The following C6 variants were observed in gnomAD, a reference collection of about 807,000 sequenced individuals.
C6 encodes the protein complement component C6.
Under a neutral mutation model 112.9 loss-of-function variants are expected in C6, and 101 were observed. The ratio of observed to expected loss-of-function variants is 0.89; its 90% CI spans 0.76 to 1.06. C6 has a LOEUF of 1.06. C6 is among the 50% of genes least tolerant of loss of function. The pLI is 0.00. For synonymous variants in C6, 431 were observed against 384.1 expected (o/e 1.12, Z -1.43); for missense variants, 1,202 against 1,104.6 (o/e 1.09, Z -1.25).
At chr5:41,230,238 TA>T (rs1739805773) in intron 1 of C6, among the ~76,000 whole-genome samples, 1 of 152,092 alleles carries the variant, frequency 6.6e-6, no homozygotes, top group Non-Finnish European at 1.5e-5. Flanking sequence ...AAGATAACCA[TA>T]AGGTCTGACT....
chr5:41,242,713 G>C (rs1279832681), intron 1 of C6, among the ~76,000 whole-genome samples: 3 of 151,806 alleles, frequency 2.0e-5, no homozygotes, highest in South Asian at 2.1e-4. Flanking sequence ...AATAACCTTA[G>C]AAATCCCACA....
At position 41,161,820 on chromosome 5, in the gene C6, A is replaced by G; in HGVS notation, c.1331T>C (p.Ile444Thr). 1 of 1,613,668 alleles carries G rather than the reference A, an allele frequency of 6.2e-7. No homozygotes were observed. Among genetic ancestry groups the G allele is most frequent in the Non-Finnish European group, 8.5e-7 (1 of 1,179,696 alleles). The change falls in exon 10 of 18, where the codon ATT (isoleucine) becomes ACT (threonine). Residue 444 changes from isoleucine (I) to threonine (T), a missense_variant. By Grantham distance (89) the Ile-to-Thr change is moderately conservative. Coordinates refer to ENST00000337836, the MANE Select transcript of C6 (RefSeq NM_000065.5). ...TCCATATTCACTCCTTCCACCTCGA[A>G]TCAGGGATATGGATTTCTCTGCTCC... ...IQGAEKSISL[I>T]RGGRSEYGAA...
intron 7 of C6, among the ~76,000 whole-genome samples, chr5:41,178,323 T>C (rs559123650): frequency 6.6e-6 from 1 of 152,170 alleles, no homozygotes; most frequent in South Asian, 2.1e-4. Flanking sequence ...AAATGTCTAG[T>C]TTGATCTGTG....
Position 41,259,775 on chromosome 5 carries a change from C to A in C6, c.-21+1419G>T, listed in dbSNP as rs375081207. Among the ~76,000 whole-genome samples, 4 of 152,230 alleles carry A rather than the reference C, an allele frequency of 2.6e-5. No homozygotes were observed. The South Asian group carries it at 8.3e-4, about 32-fold the overall frequency. On this transcript the variant is annotated intron_variant, in intron 1 of 17. Coordinates refer to the C6 transcript ENST00000263413. ...AGAATAAAATTATCCATTATTTTTT[C>A]CTAATATCTCCCAAATGTCGTACCT...
chr5:41,229,470 A>G (rs1295845807), intron 1 of C6, among the ~76,000 whole-genome samples: 2 of 151,786 alleles, frequency 1.3e-5, no homozygotes, highest in East Asian at 3.9e-4. Flanking sequence ...ATTTACACAT[A>G]TTTATAAATT....
At position 41,199,519 on chromosome 5, in the gene C6, C is replaced by A. The variant is rs1252149288; in HGVS notation, c.445+249G>T. Among the ~76,000 whole-genome samples, 4 of 152,162 alleles carry A rather than the reference C, an allele frequency of 2.6e-5. No homozygotes were observed. The East Asian group carries it at 7.7e-4, about 29-fold the overall frequency. On this transcript the variant is annotated intron_variant, in intron 4 of 17. Transcript: ENST00000337836. Reference sequence around the variant, plus strand: ...ATATTAAAAATCTTTTAAAATATGTCATTTCTTTTAAAATTATCCTGATTA... The same window carrying A: ...ATATTAAAAATCTTTTAAAATATGTAATTTCTTTTAAAATTATCCTGATTA...
chr5:41,185,149 C>G (rs1007128654), intron 6 of C6, among the ~76,000 whole-genome samples: 1 of 152,120 alleles, frequency 6.6e-6, no homozygotes, highest in African/African-American at 2.4e-5. Flanking sequence ...TACAATATAT[C>G]TTAAGAGCAG....
chr5:41,176,495 C>T lies in C6; in HGVS notation c.1148G>A (p.Ser383Asn), dbSNP rs1308662771. ...GVYDLLYQFS[S>N]EELKNSGLTE... ...GTTACCTGAGTTCTTTAGTTCCTCA[C>T]TGCTAAACTGATAGAGAAGGTCATA... The change falls in exon 8 of 18, where the codon AGT (serine) becomes AAT (asparagine). Residue 383 changes from serine (S) to asparagine (N), a missense_variant. Physicochemically the swap from Ser to Asn is conservative, Grantham distance 46 (BLOSUM62 1). Transcript: ENST00000337836. 1 of 1,613,680 alleles carries T rather than the reference C, an allele frequency of 6.2e-7. No homozygotes were observed. Among genetic ancestry groups the T allele is most frequent in the Admixed American group, 1.7e-5 (1 of 59,992 alleles).
intron 2 of C6, 31 bp from the exon 3 acceptor site, chr5:41,201,745 T>A: frequency 6.3e-7 from 1 of 1,584,642 alleles, no homozygotes; most frequent in South Asian, 1.1e-5. Flanking sequence ...TTGCTTAGAA[T>A]GAGTGTATTC....
intron 1 of C6, among the ~76,000 whole-genome samples, chr5:41,207,873 C>A (rs187132506): frequency 2.6e-5 from 4 of 152,112 alleles, no homozygotes; most frequent in African/African-American, 4.8e-5. Flanking sequence ...CTGCACCAAG[C>A]GGACCTAATA....
chr5:41,158,913 A>T, intron 12 of C6, 128 bp from the exon 13 acceptor site: 1 of 1,053,162 alleles, frequency 9.5e-7, no homozygotes, highest in Non-Finnish European at 1.5e-6. Flanking sequence ...AACATTACAC[A>T]CAGAAAAAGG....
chr5:41,165,596 C>A (rs1747908983), intron 9 of C6, among the ~76,000 whole-genome samples: 1 of 152,034 alleles, frequency 6.6e-6, no homozygotes, highest in South Asian at 2.1e-4. Context: ...GCTTATTTTA[C>A]AATTTCAACT....
At chr5:41,202,883 T>A (rs765853414) in intron 2 of C6, among the ~76,000 whole-genome samples, 5 of 152,254 alleles carry the variant, frequency 3.3e-5, no homozygotes, top group Non-Finnish European at 7.3e-5. Context: ...TTAAATTTCT[T>A]TGAAACCCCT....
chr5:41,145,959 A>T (rs1745782303), intron 17 of C6, among the ~76,000 whole-genome samples: 1 of 152,206 alleles, frequency 6.6e-6, no homozygotes, highest in Admixed American at 6.6e-5. Flanking sequence ...TTCATCCTTC[A>T]ACACTCAGTT....
At chr5:41,145,617 G>A (rs1018835553) in intron 17 of C6, among the ~76,000 whole-genome samples, 6 of 152,188 alleles carry the variant, frequency 3.9e-5, no homozygotes, top group Admixed American at 3.3e-4. Flanking sequence ...AAGGAAGTAG[G>A]AGATACTCAT....
At position 41,160,232 on chromosome 5, in the gene C6, G is replaced by A. The variant is rs748385522; in HGVS notation, c.1594C>T (p.Pro532Ser). Reference protein sequence around the residue: ...QCAPCPNNGRPTLSGTECLCV... With the variant: ...QCAPCPNNGRSTLSGTECLCV... ...AGACATTCAGTCCCTGAGAGGGTGG[G>A]TCGGCCATTATTAGGGCATGGAGCA... The change falls in exon 11 of 18, where the codon CCC (proline) becomes TCC (serine). Residue 532 changes from proline to serine, a missense_variant. Pro to Ser is a moderately conservative substitution (Grantham distance 74). Transcript: ENST00000337836. The A allele has an allele frequency of 4.6e-5, 74 of 1,613,754 alleles. No individual in the cohort carries two copies. In the South Asian group the frequency reaches 5.6e-4, roughly 12 times the overall value.
intron 1 of C6, among the ~76,000 whole-genome samples, chr5:41,240,205 T>C (rs1290549411): frequency 6.6e-6 from 1 of 152,124 alleles, no homozygotes; most frequent in African/African-American, 2.4e-5. Flanking sequence ...GCTGCATTGT[T>C]AGTGGAAGCT....
At chr5:41,146,570 A>G (rs1745847391) in intron 17 of C6, among the ~76,000 whole-genome samples, 1 of 152,206 alleles carries the variant, frequency 6.6e-6, no homozygotes, top group South Asian at 2.1e-4. Flanking sequence ...TTGCTCACCA[A>G]TTAAAGAAAG....
intron 1 of C6, among the ~76,000 whole-genome samples, chr5:41,233,361 TTTCTTGATGGATA>T (rs1200217144): frequency 1.3e-5 from 2 of 152,118 alleles, no homozygotes; most frequent in African/African-American, 2.4e-5. Context: ...GTTACCATTG[TTTCTTGATGGATA>T]TTCTACAAAA....
Sources: allele counts gnomAD v4.1 joint callset (sites outside exome capture counted in the v4.1 genomes callset), GRCh38; gene constraint gnomAD v4.1.1; transcripts MANE v1.5; gene names NCBI Gene and HGNC (gene_info 2026-07-23, HGNC 2026-07-21).